Variants in ATRIP observed in about 807,000 individuals in gnomAD.
ATRIP encodes the protein ATR interacting protein, also known as ATR-interacting protein.
Under a neutral mutation model 78.1 loss-of-function variants are expected in ATRIP, and 44 were observed. The observed-to-expected ratio is 0.56, with a 90% CI of 0.44 to 0.72. The LOEUF (loss-of-function observed/expected upper bound fraction) is 0.72. Among genes scored for constraint, ATRIP ranks in the 30% least tolerant of loss-of-function variants. The pLI is 0.00. For synonymous variants in ATRIP, 388 were observed against 408.9 expected, an observed-to-expected ratio of 0.95 and a Z score of 0.62; for missense variants, 927 against 980.2, an observed-to-expected ratio of 0.95 and a Z score of 0.72.
intron 10 of ATRIP, 73 bp from the exon 11 acceptor site, chr3:48,464,509 A>T (rs186610926): frequency 6.7e-7 from 1 of 1,483,090 alleles, no homozygotes; most frequent in African/African-American, 1.4e-5. Flanking sequence ...GAACTCTTAT[A>T]GAAGCTTAAG....
At chr3:48,447,279 C>T (rs1237775399) in intron 1 of ATRIP, 187 bp downstream of exon 1, 90 of 1,253,066 alleles carry the variant, frequency 7.2e-5, no homozygotes, top group Non-Finnish European at 9.0e-5. Context: ...AATGCATTAG[C>T]CAGGTCAAAC....
At chr3:48,463,628 C>T in intron 8 of ATRIP, 117 bp from the exon 9 acceptor site, 2 of 1,401,482 alleles carry the variant, frequency 1.4e-6, no homozygotes, top group Non-Finnish European at 1.9e-6. Context: ...CTGGCTGAAC[C>T]AACTCACCTG....
At chr3:48,464,191 A>C in intron 10 of ATRIP, 59 bp downstream of exon 10, 2 of 1,402,614 alleles carry the variant, frequency 1.4e-6, no homozygotes, top group African/African-American at 1.4e-5. Context: ...GAACCAACAG[A>C]ATCTCCTTTC....
Position 48,457,430 on chromosome 3 carries a change from T to A in ATRIP, c.829+14T>A. ...TGGGCAGAGAGGGTAAGTCCATTAG[T>A]CATCTATTGATGTATAACAAGCTAC... On this transcript the variant is annotated intron_variant, in intron 5 of 12. Coordinates refer to ENST00000320211, the MANE Select transcript of ATRIP (RefSeq NM_130384.3). 6.6e-7 allele frequency: 1 copy of A among 1,514,220 alleles called. No individual in the cohort carries two copies. Among genetic ancestry groups the A allele is most frequent in the Non-Finnish European group, 8.8e-7 (1 of 1,132,710 alleles). 93.8% of individuals were successfully genotyped at this position (1,514,220 alleles called of 1,614,324 possible).
intron 1 of ATRIP, 93 bp from the exon 2 acceptor site, chr3:48,449,941 AAAG>A: frequency 2.2e-6 from 3 of 1,381,018 alleles, no homozygotes; most frequent in East Asian, 2.3e-5. Flanking sequence ...CTATCTCAAA[AAAG>A]AAAAAAAAAA....
In ATRIP at chr3:48,466,614, C is replaced by T; in HGVS notation, c.*1060C>T. ...AACACTGGGCACTCACACACCCACC[C>T]CATGCTCCTCTCCAGGCTCAGCAGC... On this transcript the variant is annotated 3_prime_UTR_variant, in exon 13 of 13. Coordinates refer to ENST00000320211, the MANE Select transcript of ATRIP (RefSeq NM_130384.3). 6.2e-7 allele frequency: 1 copy of T among 1,614,098 alleles called. No homozygotes were observed. Among genetic ancestry groups the T allele is most frequent in the Non-Finnish European group, 8.5e-7 (1 of 1,180,020 alleles).
chr3:48,446,739 T>C lies in ATRIP; in HGVS notation c.-107T>C, dbSNP rs1192127606. The C allele has an allele frequency of 7.7e-7, 1 of 1,297,614 alleles. No individual in the cohort carries two copies. The highest frequency in any genetic ancestry group is 9.8e-7 in the Non-Finnish European group (1 of 1,016,772). 80.4% of individuals were successfully genotyped at this position (1,297,614 alleles called of 1,614,324 possible). A position where few individuals can be genotyped will look rare whatever the true frequency, so the allele number is the denominator to read the frequency against. ...GGCCCCTGGGCCAGGGGCGGGGCAC[T>C]CGCGGCGGAGGCAAGCGGCGGCGCG... On this transcript the variant is annotated 5_prime_UTR_variant, in exon 1 of 13. Coordinates refer to ENST00000320211, the MANE Select transcript of ATRIP (RefSeq NM_130384.3).
intron 4 of ATRIP, among the ~76,000 whole-genome samples, chr3:48,456,457 G>A (rs114938831): frequency 0.013 from 2,023 of 152,102 alleles, 34 homozygotes; most frequent in African/African-American, 0.046. Context: ...TTAGCCAGAT[G>A]TGGTGGTTGC....
Position 48,451,826 on chromosome 3 carries a change from G to A in ATRIP, c.479G>A (p.Arg160Lys), listed in dbSNP as rs1575275911. Residue 160 changes from arginine (R) to lysine (K), a missense_variant, in exon 3 of 13, where the codon AGA (arginine) becomes AAA (lysine). Transcript: ENST00000320211. ...HQTESVLEEQRRSHFLLEQEK... is the reference protein window; with the variant it reads ...HQTESVLEEQKRSHFLLEQEK... Reference sequence around the variant, plus strand: ...ACGGAATCCGTTCTAGAGGAACAGAGAAGATCACATTTTCTTCTTGAGCAA... The same window carrying A: ...ACGGAATCCGTTCTAGAGGAACAGAAAAGATCACATTTTCTTCTTGAGCAA... 2 of 1,613,002 alleles carry A rather than the reference G, an allele frequency of 1.2e-6. No homozygotes were observed. Among genetic ancestry groups the A allele is most frequent in the East Asian group, 4.5e-5 (2 of 44,852 alleles).
chr3:48,451,397 G>A (rs2039833381), intron 2 of ATRIP, among the ~76,000 whole-genome samples: 3 of 152,170 alleles, frequency 2.0e-5, no homozygotes, highest in Admixed American at 2.0e-4. Flanking sequence ...AGGTTGAGGC[G>A]AGAGGATCAC....
chr3:48,450,560 A>G, intron 2 of ATRIP: 16 of 1,280,024 alleles, frequency 1.2e-5, no homozygotes, highest in Non-Finnish European at 1.5e-5. Context: ...AATATGTGGA[A>G]TTTTAGTTGT....
chr3:48,447,642 CT>C, intron 1 of ATRIP: 1 of 674,072 alleles, frequency 1.5e-6, no homozygotes, highest in Non-Finnish European at 1.8e-6. Flanking sequence ...CTTCATGGAG[CT>C]TACATTCTAG....
chr3:48,463,856 G>C lies in ATRIP; in HGVS notation c.1857G>C (p.Leu619=), dbSNP rs371715114. ...CCCTGCTGGCGGACCACGACCAGCT[G>C]GCACCTCAGCTCTGTTCCCACTCAG... is the stretch of plus-strand genomic sequence containing the variant. ...LLSLLADHDQ[L]APQLCSHSEG... Residue 619 remains leucine, a synonymous_variant, in exon 9 of 13, where the codon CTG becomes CTC. Transcript: ENST00000320211. 2.5e-6 allele frequency: 4 copies of C among 1,614,040 alleles called. No homozygotes were observed.
rs530767278 is a variant in ATRIP at position 48,453,047 on chromosome 3, G to C, written c.552+1148G>C. 9.4e-4 allele frequency among the ~76,000 whole-genome samples: 143 copies of C among 151,994 alleles called. 1 individual carries two copies. Among genetic ancestry groups the C allele is most frequent in the African/African-American group, 3.3e-3 (137 of 41,428 alleles). On this transcript the variant is annotated intron_variant, in intron 3 of 12. Coordinates refer to ENST00000320211, the MANE Select transcript of ATRIP (RefSeq NM_130384.3). ...CTATAGGCACACACCACCAGGCAAA[G>C]CTAATTTTTAAATTTTGGTACAGAC...
chr3:48,466,526 G>C lies in ATRIP; in HGVS notation c.*972G>C, dbSNP rs1250725084. 1 of 1,613,936 alleles carries C rather than the reference G, an allele frequency of 6.2e-7. No individual in the cohort carries two copies. Among genetic ancestry groups the C allele is most frequent in the East Asian group, 2.2e-5 (1 of 44,868 alleles). On this transcript the variant is annotated 3_prime_UTR_variant, in exon 13 of 13. Transcript: ENST00000320211. ...GAGCTCGCAGACAGGGCAGGATTGTGCAGGGAAGGCCTGAGATGTGCTTCT... is the reference window on the plus strand; with the variant it reads ...GAGCTCGCAGACAGGGCAGGATTGTCCAGGGAAGGCCTGAGATGTGCTTCT...
chr3:48,447,705 T>A (rs988862273), intron 1 of ATRIP, among the ~76,000 whole-genome samples: 2 of 152,264 alleles, frequency 1.3e-5, no homozygotes, highest in South Asian at 4.1e-4. Flanking sequence ...ATGTTTTGAG[T>A]GCACCTTGCA....
In ATRIP at chr3:48,466,252, G is replaced by A. The variant is rs550007188; in HGVS notation, c.*698G>A. The stretch of plus-strand genomic sequence containing the variant: ...TTCACTTCCCGCCACTGCTGCCAGC[G>A]AGAGCCGCGGGAGAGTGTGCAGCCG... On this transcript the variant is annotated 3_prime_UTR_variant, in exon 13 of 13. Coordinates refer to ENST00000320211, the MANE Select transcript of ATRIP (RefSeq NM_130384.3). 363 of 611,020 alleles carry A rather than the reference G, an allele frequency of 5.9e-4. No individual in the cohort carries two copies. Among genetic ancestry groups the A allele is most frequent in the African/African-American group, 5.4e-3 (297 of 54,538 alleles). The allele number at this position is 611,020 out of a possible 1,614,324, so 37.8% of individuals were successfully genotyped here.
At position 48,466,924 on chromosome 3, in the gene ATRIP, C is replaced by T; in HGVS notation, c.*1370C>T. The T allele has an allele frequency of 4.3e-6, 7 of 1,611,656 alleles. No individual in the cohort carries two copies. The highest frequency in any genetic ancestry group is 5.9e-6 in the Non-Finnish European group (7 of 1,180,016). Reference sequence around the variant, plus strand: ...AGCGAGATCACAGGTCTGAGCACAGCTGTGCTGGCAGCGCATGGGCGTCAA... The same window carrying T: ...AGCGAGATCACAGGTCTGAGCACAGTTGTGCTGGCAGCGCATGGGCGTCAA... On this transcript the variant is annotated 3_prime_UTR_variant, in exon 13 of 13. Transcript: ENST00000320211.
chr3:48,463,739 T>C lies in ATRIP; in HGVS notation c.1746-6T>C. On this transcript the variant is annotated splice_region_variant and splice_polypyrimidine_tract_variant and intron_variant, in intron 8 of 12. Coordinates refer to ENST00000320211, the MANE Select transcript of ATRIP (RefSeq NM_130384.3). The stretch of plus-strand genomic sequence containing the variant: ...TGTCACGTCTCTCTGGGTCCCTGTC[T>C]TTTAGGTTCCAGTGTGTGTTCCAAG... 1 of 1,614,070 alleles carries C rather than the reference T, an allele frequency of 6.2e-7. No homozygotes were observed. The highest frequency in any genetic ancestry group is 8.5e-7 in the Non-Finnish European group (1 of 1,179,952).
Sources: allele counts gnomAD v4.1 joint callset (sites outside exome capture counted in the v4.1 genomes callset), GRCh38; gene constraint gnomAD v4.1.1; transcripts MANE v1.5; gene names NCBI Gene and HGNC (gene_info 2026-07-23, HGNC 2026-07-21).